GPR137C: variants seen among roughly 807,000 people sequenced by gnomAD.
GPR137C encodes the protein G protein-coupled receptor 137C, also known as integral membrane protein GPR137C.
In GPR137C, 27 loss-of-function variants were observed where a neutral mutation model predicts 43.4. The ratio of observed to expected loss-of-function variants is 0.62; its 90% CI spans 0.46 to 0.86. The LOEUF (loss-of-function observed/expected upper bound fraction) is 0.86, where lower values mean the gene tolerates loss of function less well. GPR137C is among the 40% of genes least tolerant of loss of function. The pLI, the probability that GPR137C is intolerant of heterozygous loss-of-function variation, is 0.00. For synonymous variants in GPR137C, 285 were observed against 226.9 expected (o/e 1.26, Z -2.30); for missense variants, 522 against 534.6 (o/e 0.98, Z 0.23).
intron 1 of GPR137C, among the ~76,000 whole-genome samples, chr14:52,557,583 T>G (rs1477376900): frequency 1.3e-5 from 2 of 152,216 alleles, no homozygotes; most frequent in Non-Finnish European, 2.9e-5. Context: ...CTACTAAATT[T>G]TTTCACTATC....
Position 52,552,949 on chromosome 14 carries a change from G to C in GPR137C, c.-199G>C, listed in dbSNP as rs958057293. On this transcript the variant is annotated 5_prime_UTR_variant, in exon 1 of 7. Transcript: ENST00000321662. ...CAGCAGGAGGAGCCGAGACCCCCGG[G>C]GGGTGGGGGGAAAGAGGAGGCGGGG... 2.6e-5 allele frequency among the ~76,000 whole-genome samples: 4 copies of C among 151,848 alleles called. No homozygotes were observed. The highest frequency in any genetic ancestry group is 7.3e-5 in the African/African-American group (3 of 41,348).
chr14:52,574,483 T>C (rs1366764890), intron 1 of GPR137C, among the ~76,000 whole-genome samples: 1 of 151,964 alleles, frequency 6.6e-6, no homozygotes, highest in South Asian at 2.1e-4. Context: ...AACCAAACAC[T>C]GCACATTCTC....
intron 1 of GPR137C, among the ~76,000 whole-genome samples, chr14:52,576,337 C>G (rs1326006940): frequency 6.6e-6 from 1 of 152,130 alleles, no homozygotes; most frequent in East Asian, 1.9e-4. Flanking sequence ...TTCCATGGTC[C>G]ATATATACCA....
At chr14:52,579,107 A>C (rs1214394013) in intron 1 of GPR137C, among the ~76,000 whole-genome samples, 1 of 152,188 alleles carries the variant, frequency 6.6e-6, no homozygotes, top group Non-Finnish European at 1.5e-5. Flanking sequence ...AGAGAAAAAA[A>C]AATATTCTAA....
chr14:52,637,424 A>G lies in GPR137C; in HGVS notation c.*2309A>G, dbSNP rs993052355. ...TTTCATTACTTAAGTGTGTAATTCT[A>G]TAGTGATTAGCAGTATTTGTTTTCA... On this transcript the variant is annotated 3_prime_UTR_variant, in exon 7 of 7. Transcript: ENST00000321662. 6.6e-6 allele frequency: 1 copy of G among 152,098 alleles called. No individual in the cohort carries two copies. The highest frequency in any genetic ancestry group is 1.5e-5 in the Non-Finnish European group (1 of 68,012). 9.4% of individuals were successfully genotyped at this position (152,098 alleles called of 1,614,324 possible). A position where few individuals can be genotyped will look rare whatever the true frequency, so the allele number is the denominator to read the frequency against.
Position 52,557,039 on chromosome 14 carries a change from T to C in GPR137C, c.444+3448T>C, listed in dbSNP as rs149413901. ...CCCTACCAGTAGATATATTCTTATA[T>C]TGGTAATACTTCAAATAACATGCAA... On this transcript the variant is annotated intron_variant, in intron 1 of 6. Coordinates refer to ENST00000321662, the MANE Select transcript of GPR137C (RefSeq NM_001099652.2). Among the ~76,000 whole-genome samples, 1,163 of 152,298 alleles carry C rather than the reference T, an allele frequency of 7.6e-3. 10 individuals carry two copies. Among genetic ancestry groups the C allele is most frequent in the South Asian group, 0.029 (139 of 4,822 alleles).
intron 3 of GPR137C, among the ~76,000 whole-genome samples, chr14:52,619,771 T>C (rs2039139193): frequency 1.3e-5 from 2 of 152,238 alleles, no homozygotes; most frequent in South Asian, 4.1e-4. Flanking sequence ...TTGAGTTTCA[T>C]TGTGACTTAG....
At chr14:52,596,823 G>C (rs2038862106) in intron 1 of GPR137C, 1 of 430,840 alleles carries the variant, frequency 2.3e-6, no homozygotes, top group African/African-American at 2.0e-5. Flanking sequence ...CCCTCCATGG[G>C]CTGCACCCAC....
intron 3 of GPR137C, 110 bp from the exon 4 acceptor site, chr14:52,632,050 C>G: frequency 1.5e-6 from 1 of 648,688 alleles, no homozygotes; most frequent in Non-Finnish European, 2.7e-6. Flanking sequence ...AACAGGTACT[C>G]AGTGCTTTGT....
At chr14:52,579,906 A>C (rs935920324) in intron 1 of GPR137C, among the ~76,000 whole-genome samples, 2 of 152,230 alleles carry the variant, frequency 1.3e-5, no homozygotes, top group Admixed American at 1.3e-4. Context: ...GAAAGAAAAC[A>C]GGTATTCAGT....
chr14:52,633,456 A>C, intron 4 of GPR137C, 74 bp from the exon 5 acceptor site: 1 of 1,309,252 alleles, frequency 7.6e-7, no homozygotes, highest in Non-Finnish European at 1.1e-6. Flanking sequence ...CCTGACTTGA[A>C]ACAAGTTAAC....
intron 1 of GPR137C, among the ~76,000 whole-genome samples, chr14:52,567,647 T>TTG (rs2038391202): frequency 7.0e-6 from 1 of 141,872 alleles, no homozygotes; most frequent in Non-Finnish European, 1.5e-5. Flanking sequence ...ATTCAGATTG[T>TTG]TCTTTTTTTT....
Position 52,553,502 on chromosome 14 carries a change from C to T in GPR137C, c.355C>T (p.Leu119=). The change falls in exon 1 of 7, where the codon CTG becomes TTG. Residue 119 remains leucine, a synonymous_variant. Coordinates refer to ENST00000321662, the MANE Select transcript of GPR137C (RefSeq NM_001099652.2). ...SLPLLRPPAH[L]HFFPHWLLYC... ...GCCCTTGCTCCGGCCGCCCGCTCAC[C>T]TGCACTTCTTCCCCCACTGGCTGCT... 1.2e-6 allele frequency: 2 copies of T among 1,609,242 alleles called. No individual in the cohort carries two copies. Among genetic ancestry groups the T allele is most frequent in the South Asian group, 1.1e-5 (1 of 91,050 alleles).
chr14:52,632,863 AG>A (rs2039310750), intron 4 of GPR137C, among the ~76,000 whole-genome samples: 1 of 152,038 alleles, frequency 6.6e-6, no homozygotes, highest in Non-Finnish European at 1.5e-5. Flanking sequence ...TTAACTTCCT[AG>A]CATTCCCATA....
At chr14:52,582,043 T>C (rs1223651575) in intron 1 of GPR137C, among the ~76,000 whole-genome samples, 2 of 152,320 alleles carry the variant, frequency 1.3e-5, no homozygotes, top group Non-Finnish European at 2.9e-5. Context: ...TAATAAAATA[T>C]CATAAACTGG....
At chr14:52,611,691 A>AG (rs2039040776) in intron 3 of GPR137C, 1 of 407,518 alleles carries the variant, frequency 2.5e-6, no homozygotes. Context: ...TACACTACAT[A>AG]GTACAAAGTA....
chr14:52,586,279 A>T (rs2038712784), intron 1 of GPR137C, among the ~76,000 whole-genome samples: 1 of 152,224 alleles, frequency 6.6e-6, no homozygotes, highest in Non-Finnish European at 1.5e-5. Flanking sequence ...AGACATTCAT[A>T]GAGAATTCTC....
Position 52,578,883 on chromosome 14 carries a change from G to T in GPR137C, c.445-19389G>T, listed in dbSNP as rs113863109. Among the ~76,000 whole-genome samples, 275 of 152,036 alleles carry T rather than the reference G, an allele frequency of 1.8e-3. 1 individual carries two copies. Among genetic ancestry groups the T allele is most frequent in the African/African-American group, 6.4e-3 (264 of 41,484 alleles). On this transcript the variant is annotated intron_variant, in intron 1 of 6. Coordinates refer to ENST00000321662, the MANE Select transcript of GPR137C (RefSeq NM_001099652.2). ...CTCTTGAACCTAGGAGGCCGAGTTT[G>T]CAGTGAGCTGAGATCGTGCCACTGC...
chr14:52,581,757 C>T (rs539241345), intron 1 of GPR137C, among the ~76,000 whole-genome samples: 7 of 152,032 alleles, frequency 4.6e-5, no homozygotes, highest in Non-Finnish European at 1.0e-4. Context: ...TAACTCTTCA[C>T]CATGGAAAAG....
Sources: allele counts gnomAD v4.1 joint callset (sites outside exome capture counted in the v4.1 genomes callset), GRCh38; gene constraint gnomAD v4.1.1; transcripts MANE v1.5; gene names NCBI Gene and HGNC (gene_info 2026-07-23, HGNC 2026-07-21).